Variants in NRXN2 observed in about 807,000 individuals in gnomAD.
The protein encoded by NRXN2 is neurexin 2, also known as neurexin-2-beta.
A neutral mutation model predicts 128.8 loss-of-function variants in NRXN2; 29 were observed. That is an observed-to-expected ratio of 0.23 (90% CI 0.17 to 0.31). The LOEUF (loss-of-function observed/expected upper bound fraction) is 0.31. NRXN2 is among the 10% of genes least tolerant of loss of function. The pLI, the probability that NRXN2 is intolerant of heterozygous loss-of-function variation, is 1.00. For missense variants in NRXN2, 1,881 were observed against 2,452.6 expected, an observed-to-expected ratio of 0.77 and a Z score of 4.92; for synonymous variants, 1,098 against 1,075.2, an observed-to-expected ratio of 1.02 and a Z score of -0.41.
chr11:64,661,429 A>C, intron 9 of NRXN2: 9 of 1,330,382 alleles, frequency 6.8e-6, no homozygotes, highest in Non-Finnish European at 8.7e-6. Context: ...AAGTCCTCAG[A>C]GGATAGGCAG....
intron 1 of NRXN2, among the ~76,000 whole-genome samples, chr11:64,720,150 C>T (rs1180663039): frequency 2.6e-5 from 4 of 152,344 alleles, no homozygotes; most frequent in African/African-American, 9.6e-5. Context: ...GTCCCACCTT[C>T]ACCCTCACCC....
At chr11:64,708,485 T>G (rs114401031) in intron 2 of NRXN2, among the ~76,000 whole-genome samples, 1 of 152,292 alleles carries the variant, frequency 6.6e-6, no homozygotes, top group African/African-American at 2.4e-5. Flanking sequence ...GTCTACTCTA[T>G]CCCAGCTTTG....
At position 64,650,630 on chromosome 11, in the gene NRXN2, T is replaced by C. The variant is rs920294810; in HGVS notation, c.2927A>G (p.His976Arg). The C allele has an allele frequency of 5.0e-6, 8 of 1,613,754 alleles. No individual in the cohort carries two copies. The highest frequency in any genetic ancestry group is 6.8e-6 in the Non-Finnish European group (8 of 1,179,938). The change falls in exon 15 of 23, where the codon CAC becomes CGC. Residue 976 changes from histidine (H) to arginine (R), a missense_variant. Physicochemically the swap from His to Arg is conservative, Grantham distance 29. Around this residue, in one of 7 missense-constraint regions of NRXN2, gnomAD observed 390 missense variants for 599.6 expected, o/e 0.65. Transcript: ENST00000265459. The stretch of plus-strand genomic sequence containing the variant: ...GCCATTCCCCAGGTCAAACACGTAG[T>C]GGATGTACCTGCCCCACAGTAGGGA... ...IVIELVKGYIHYVFDLGNGPS... is the reference protein window; with the variant it reads ...IVIELVKGYIRYVFDLGNGPS...
At chr11:64,643,428 G>A (rs1276347942) in intron 17 of NRXN2, 1 of 213,002 alleles carries the variant, frequency 4.7e-6, no homozygotes, top group Non-Finnish European at 7.9e-6. Flanking sequence ...GGATAGGAGA[G>A]GAGGGGATAG....
intron 6 of NRXN2, among the ~76,000 whole-genome samples, chr11:64,684,560 C>T (rs1175214939): frequency 6.6e-6 from 1 of 152,004 alleles, no homozygotes; most frequent in Non-Finnish European, 1.5e-5. Context: ...TGAGAGGTAT[C>T]CCCACTAGAT....
intron 17 of NRXN2, among the ~76,000 whole-genome samples, chr11:64,636,403 G>T (rs1223599793): frequency 6.6e-6 from 1 of 151,272 alleles, no homozygotes; most frequent in Admixed American, 6.6e-5. Flanking sequence ...CTGGGGGTGG[G>T]GGTGGGGGTG....
At chr11:64,625,735 C>T (rs539590681) in intron 20 of NRXN2, among the ~76,000 whole-genome samples, 76 of 152,240 alleles carry the variant, frequency 5.0e-4, no homozygotes, top group Non-Finnish European at 7.1e-4. Flanking sequence ...TCACACCCAG[C>T]GACACCTCAC....
intron 22 of NRXN2, among the ~76,000 whole-genome samples, chr11:64,613,015 A>C (rs922954413): frequency 6.6e-6 from 1 of 152,258 alleles, no homozygotes; most frequent in Non-Finnish European, 1.5e-5. Context: ...GTGCGAGCAG[A>C]GAGCAACCTG....
At chr11:64,643,051 G>C (rs1328501269) in intron 17 of NRXN2, 1 of 996,700 alleles carries the variant, frequency 1.0e-6, no homozygotes, top group Non-Finnish European at 1.2e-6. Context: ...GGAGCTAGGG[G>C]TCTCTCTGCA....
Position 64,667,362 on chromosome 11 carries a change from G to A in NRXN2, c.1686C>T (p.His562=), listed in dbSNP as rs746260730. 2.5e-6 allele frequency: 4 copies of A among 1,614,200 alleles called. No individual in the cohort carries two copies. The highest frequency in any genetic ancestry group is 1.7e-5 in the Admixed American group (1 of 60,020). ...ATCCCATGTCCAGCAGAAGATAGAG[G>A]TGGCCGTCCAATAGCTCCATGGCAA... ...DYFAMELLDG[H]LYLLLDMGSG... is the part of the protein sequence containing the mutation. Residue 562 remains histidine (H), a synonymous_variant, in exon 9 of 23, where the codon CAC becomes CAT. Coordinates refer to ENST00000265459, the MANE Select transcript of NRXN2 (RefSeq NM_015080.4). This position sits in a 1 kb window ranked among gnomAD's most constrained non-coding sequence, Gnocchi z 5.6.
chr11:64,712,204 T>C (rs893256806), intron 2 of NRXN2, among the ~76,000 whole-genome samples: 4 of 146,010 alleles, frequency 2.7e-5, no homozygotes, highest in African/African-American at 1.0e-4. Context: ...CCGCCCCCTG[T>C]CTCACAGGCC....
intron 1 of NRXN2, among the ~76,000 whole-genome samples, chr11:64,720,529 G>A (rs1225654069): frequency 6.6e-6 from 1 of 152,186 alleles, no homozygotes; most frequent in Non-Finnish European, 1.5e-5. Context: ...GGTGGGGGCT[G>A]GACTCCACTG....
intron 2 of NRXN2, among the ~76,000 whole-genome samples, chr11:64,707,167 T>C (rs1011509382): frequency 2.0e-5 from 3 of 151,816 alleles, no homozygotes; most frequent in Non-Finnish European, 4.4e-5. Context: ...ATGAGGTGGG[T>C]GGATCACGAG....
At chr11:64,643,212 G>A in intron 17 of NRXN2, 1 of 982,834 alleles carries the variant, frequency 1.0e-6, no homozygotes, top group Non-Finnish European at 1.2e-6. Context: ...AACCGAGCTG[G>A]GGAGCGGGGC....
At chr11:64,661,218 C>A (rs760298047) in intron 9 of NRXN2, 79 bp from the exon 10 acceptor site, 12 of 1,597,716 alleles carry the variant, frequency 7.5e-6, no homozygotes, top group Non-Finnish European at 9.4e-6. Flanking sequence ...GAAGGCCCCC[C>A]ACCTTGTGTG....
chr11:64,720,526 G>A (rs1254301959), intron 1 of NRXN2, among the ~76,000 whole-genome samples: 1 of 152,200 alleles, frequency 6.6e-6, no homozygotes, highest in East Asian at 1.9e-4. Flanking sequence ...GTAGGTGGGG[G>A]CTGGACTCCA....
chr11:64,620,868 G>A (rs567946116), intron 21 of NRXN2, among the ~76,000 whole-genome samples: 5 of 151,258 alleles, frequency 3.3e-5, no homozygotes, highest in East Asian at 3.9e-4. Context: ...TGAGAGAGCC[G>A]GGCTGCACAC....
At chr11:64,700,841 A>T (rs2055241408) in intron 2 of NRXN2, among the ~76,000 whole-genome samples, 1 of 152,088 alleles carries the variant, frequency 6.6e-6, no homozygotes, top group Non-Finnish European at 1.5e-5. Context: ...TGAGTGTCTC[A>T]TGGGCTTCTC....
chr11:64,697,668 C>G, intron 3 of NRXN2, 107 bp downstream of exon 3: 1 of 1,369,504 alleles, frequency 7.3e-7, no homozygotes, highest in South Asian at 1.2e-5. Flanking sequence ...CGGAGAGGCC[C>G]TAAACATGGC....
Sources: allele counts gnomAD v4.1 joint callset (sites outside exome capture counted in the v4.1 genomes callset), GRCh38; gene constraint gnomAD v4.1.1; regional missense constraint gnomAD v4.1.1; non-coding constraint Gnocchi (gnomAD v3.1); transcripts MANE v1.5; gene names NCBI Gene and HGNC (gene_info 2026-07-23, HGNC 2026-07-21).